EPHA10: variants seen among roughly 807,000 people sequenced by gnomAD.
EPHA10 encodes the protein ephrin type-A receptor 10.
A neutral mutation model predicts 109.7 loss-of-function variants in EPHA10; 120 were observed. The ratio of observed to expected loss-of-function variants is 1.09; its 90% confidence interval spans 0.94 to 1.27. EPHA10 has a LOEUF of 1.27. EPHA10 is among the 50% of genes most tolerant of loss of function. EPHA10 has a pLI of 0.00. For synonymous variants in EPHA10, 640 were observed against 618.9 expected (o/e 1.03, Z -0.51); for missense variants, 1,396 against 1,411.1 (o/e 0.99, Z 0.17).
intron 7 of EPHA10, among the ~76,000 whole-genome samples, chr1:37,728,707 C>T (rs1645934130): frequency 6.6e-6 from 1 of 152,070 alleles, no homozygotes; most frequent in Non-Finnish European, 1.5e-5. Flanking sequence ...ATCCAGTGAG[C>T]AGTCTTTCGG....
Position 37,764,742 on chromosome 1 carries a change from A to C in EPHA10, c.106+219T>G. ...GCGGTTCCTGGCCTCTTTCTTTCCC[A>C]ACCTCCCGGGTCTCCAGCCCCCAAG... is the stretch of plus-strand genomic sequence containing the variant. On this transcript the variant is annotated intron_variant, in intron 1 of 16. Transcript: ENST00000373048. The surrounding 1 kb of genome is among the most constrained non-coding windows in gnomAD (Gnocchi z 5.8). Among the ~76,000 whole-genome samples, 1 of 150,348 alleles carries C rather than the reference A, an allele frequency of 6.7e-6. No homozygotes were observed. The highest frequency in any genetic ancestry group is 2.5e-5 in the African/African-American group (1 of 40,796).
intron 6 of EPHA10, among the ~76,000 whole-genome samples, chr1:37,731,832 A>G (rs1482966061): frequency 6.6e-6 from 1 of 152,166 alleles, no homozygotes; most frequent in African/African-American, 2.4e-5. Flanking sequence ...ACCTCTGCAT[A>G]AGAGAAATTT....
intron 5 of EPHA10, among the ~76,000 whole-genome samples, chr1:37,745,542 C>T (rs577234084): frequency 2.0e-5 from 3 of 152,124 alleles, no homozygotes; most frequent in Admixed American, 6.6e-5. Context: ...AAACCACAGA[C>T]CTTTAATAAC....
At chr1:37,758,032 C>CA (rs2148369096) in intron 3 of EPHA10, among the ~76,000 whole-genome samples, 1 of 152,302 alleles carries the variant, frequency 6.6e-6, no homozygotes, top group Non-Finnish European at 1.5e-5. Flanking sequence ...TTAACCTCAT[C>CA]AAATACTACA....
rs1645770245 is a variant in EPHA10, at chr1:37,720,382, C to CG, written c.2380dup (p.Arg794ProfsTer35). 1 of 1,612,118 alleles carries CG rather than the reference C, an allele frequency of 6.2e-7. No homozygotes were observed. The highest frequency in any genetic ancestry group is 8.5e-7 in the Non-Finnish European group (1 of 1,179,698). On this transcript the variant is annotated frameshift_variant, in exon 13 of 17. Transcript: ENST00000373048. LOFTEE classifies it high-confidence loss of function. ...GGTGTAGACAGCCTCTGATCGGTCC[C>CG]GGGGGCCCCGCCCGAAGCCAGAGAT...
intron 15 of EPHA10, chr1:37,719,039 C>A (rs566240187): frequency 3.2e-6 from 2 of 634,346 alleles, no homozygotes; most frequent in African/African-American, 3.7e-5. Flanking sequence ...AAGGTATTGG[C>A]GTATCCGGAA....
chr1:37,728,968 A>C lies in EPHA10; in HGVS notation c.1664-1758T>G, dbSNP rs187905401. ...CCCTACCTCCTGGTATCCATTCCCCATGAGCACAGGCTGGACTCATTTCTA... is the reference window on the plus strand; with the variant it reads ...CCCTACCTCCTGGTATCCATTCCCCCTGAGCACAGGCTGGACTCATTTCTA... On this transcript the variant is annotated intron_variant, in intron 7 of 16. Coordinates refer to ENST00000373048, the MANE Select transcript of EPHA10 (RefSeq NM_001099439.2). Among the ~76,000 whole-genome samples the C allele has an allele frequency of 4.5e-4, 68 of 152,314 alleles. No individual in the cohort carries two copies. The Middle Eastern group carries it at 0.01, about 23-fold the overall frequency.
chr1:37,753,880 C>T (rs1322594937), intron 4 of EPHA10, among the ~76,000 whole-genome samples: 11 of 151,972 alleles, frequency 7.2e-5, no homozygotes, highest in Non-Finnish European at 1.5e-4. Flanking sequence ...ACCGATGGTG[C>T]GAAGGTCGGG....
chr1:37,762,147 A>G, intron 2 of EPHA10, 64 bp from the exon 3 acceptor site: 3 of 1,454,732 alleles, frequency 2.1e-6, no homozygotes, highest in Non-Finnish European at 2.8e-6. Flanking sequence ...GTGGAGCGCT[A>G]GCAGTGACTC....
At chr1:37,753,259 G>C (rs754140327) in intron 4 of EPHA10, 33 bp from the exon 5 acceptor site, 2 of 1,239,518 alleles carry the variant, frequency 1.6e-6, no homozygotes, top group Non-Finnish European at 2.0e-6. Context: ...CGGTCAGGGC[G>C]GGGCGTGGGT....
rs376380527 is a variant in EPHA10, at chr1:37,717,466, C to A, written c.*906G>T. ...TTGGCCTCAGTTTCCCCCATCTGTA[C>A]ACTGGGGGTTAGACCAGCCTGTTTG... is the stretch of plus-strand genomic sequence containing the variant. On this transcript the variant is annotated 3_prime_UTR_variant, in exon 17 of 17. Transcript: ENST00000373048. The A allele has an allele frequency of 2.0e-3, 456 of 232,096 alleles. 17 individuals are homozygous for A. In the South Asian group the frequency reaches 0.077, roughly 39 times the overall value. 14.4% of individuals were successfully genotyped at this position (232,096 alleles called of 1,614,324 possible).
At position 37,761,850 on chromosome 1, in the gene EPHA10, G is replaced by T. The variant is rs373346222; in HGVS notation, c.405C>A (p.Ala135=). 2.7e-4 allele frequency: 430 copies of T among 1,612,858 alleles called. No individual in the cohort carries two copies. The highest frequency in any genetic ancestry group is 3.5e-4 in the Non-Finnish European group (417 of 1,179,284). Residue 135 remains alanine (A), a synonymous_variant, in exon 3 of 17, where the codon GCC becomes GCA. Coordinates refer to ENST00000373048, the MANE Select transcript of EPHA10 (RefSeq NM_001099439.2). ...GGCGGGGACGCCCACGGCCCAGGTC[G>T]GCCTCAGTTTCCAGGTAGTAGACGT... ...TFNVYYLETE[A]DLGRGRPRLG... is the part of the protein sequence containing the mutation.
chr1:37,762,308 C>T (rs1646440943), intron 2 of EPHA10, among the ~76,000 whole-genome samples: 2 of 152,186 alleles, frequency 1.3e-5, no homozygotes, highest in Admixed American at 1.3e-4. Context: ...GTATGCACAT[C>T]AAGTTAGTGG....
intron 5 of EPHA10, 111 bp from the exon 6 acceptor site, chr1:37,735,501 TG>T: frequency 7.6e-7 from 1 of 1,321,336 alleles, no homozygotes. Context: ...TAGAGAGGCC[TG>T]GGGCGTGGTC....
At chr1:37,744,024 G>T (rs1646194044) in intron 5 of EPHA10, among the ~76,000 whole-genome samples, 1 of 152,018 alleles carries the variant, frequency 6.6e-6, no homozygotes, top group African/African-American at 2.4e-5. Context: ...ACTACAATCA[G>T]CAACGTAAAG....
intron 8 of EPHA10, 45 bp from the exon 9 acceptor site, chr1:37,723,417 C>G: frequency 6.2e-7 from 1 of 1,606,274 alleles, no homozygotes; most frequent in South Asian, 1.1e-5. Context: ...GCCACCCCGG[C>G]CCTTCCCATT....
At chr1:37,753,930 G>A (rs1196431026) in intron 4 of EPHA10, among the ~76,000 whole-genome samples, 1 of 152,050 alleles carries the variant, frequency 6.6e-6, no homozygotes, top group African/African-American at 2.4e-5. Flanking sequence ...GGTGAGGAGA[G>A]GGCAGCGGAG....
At position 37,719,430 on chromosome 1, in the gene EPHA10, G is replaced by A. The variant is rs748968137; in HGVS notation, c.2740C>T (p.Leu914=). ...GGAACGTACCTGGGACAGGTAGTCA[G>A]GGCACACTTGGGGGGCTCTGGGTCC... ...VQDPEPPKCA[L]TTCPRPPTPL... The change falls in exon 15 of 17, where the codon CTG becomes TTG. Residue 914 remains leucine, a synonymous_variant. Transcript: ENST00000373048. The A allele has an allele frequency of 1.9e-6, 3 of 1,613,200 alleles. No individual in the cohort carries two copies. The East Asian group carries it at 6.7e-5, about 36-fold the overall frequency.
chr1:37,763,750 T>C (rs1646453045), intron 1 of EPHA10, among the ~76,000 whole-genome samples: 1 of 152,170 alleles, frequency 6.6e-6, no homozygotes, highest in Non-Finnish European at 1.5e-5. Flanking sequence ...CAGGGGCTTT[T>C]CTGAGGTCGG....
Sources: gnomAD v4.1 joint callset for allele counts (sites outside exome capture counted in the v4.1 genomes callset) on GRCh38, gnomAD v4.1.1 for gene constraint, Gnocchi (gnomAD v3.1) non-coding constraint, MANE v1.5 for transcripts, NCBI Gene and HGNC (gene_info 2026-07-23, HGNC 2026-07-21) for gene names.